NRXN3: variants seen among roughly 807,000 people sequenced by gnomAD.
The protein encoded by NRXN3 is neurexin III.
Under a neutral mutation model 137.6 loss-of-function variants are expected in NRXN3, and 32 were observed. The observed-to-expected ratio is 0.23, with a 90% CI of 0.18 to 0.31. The LOEUF (loss-of-function observed/expected upper bound fraction) is 0.31. Among genes scored for constraint, NRXN3 ranks in the 10% least tolerant of loss-of-function variants. NRXN3 has a pLI of 1.00. For missense variants in NRXN3, 1,574 were observed against 2,062.5 expected (o/e 0.76, Z 4.59); for synonymous variants, 798 against 784.5 (o/e 1.02, Z -0.29).
intron 16 of NRXN3, among the ~76,000 whole-genome samples, chr14:79,637,478 G>A (rs1182988567): frequency 1.3e-5 from 2 of 151,992 alleles, no homozygotes; most frequent in African/African-American, 4.8e-5. Flanking sequence ...TGGACACAAA[G>A]CTTACAGTCA....
At chr14:78,468,469 G>A (rs1403521194) in intron 4 of NRXN3, among the ~76,000 whole-genome samples, 1 of 152,136 alleles carries the variant, frequency 6.6e-6, no homozygotes, top group Admixed American at 6.5e-5. Flanking sequence ...GCAGAGGCTT[G>A]TTTTTAGGGT....
chr14:78,657,046 CAAAAAAAAAAAAAA>C (rs1174872709), intron 6 of NRXN3, among the ~76,000 whole-genome samples: 1 of 31,062 alleles, frequency 3.2e-5, no homozygotes, highest in Middle Eastern at 0.036. Context: ...GACTCCGTCT[CAAAAAAAAAAAAAA>C]AAAAAAAAAA....
chr14:78,880,188 C>A (rs2099124860), intron 10 of NRXN3, among the ~76,000 whole-genome samples: 1 of 131,886 alleles, frequency 7.6e-6, no homozygotes, highest in South Asian at 2.3e-4. Context: ...TGCAGTGAGC[C>A]GAGATCCCGC....
intron 10 of NRXN3, among the ~76,000 whole-genome samples, chr14:78,916,108 A>G (rs948907835): frequency 1.3e-5 from 2 of 152,062 alleles, no homozygotes; most frequent in Admixed American, 1.3e-4. Flanking sequence ...AAATTGTGAT[A>G]GCCTTGAGAA....
At chr14:78,172,539 G>T (rs940636144) in intron 1 of NRXN3, among the ~76,000 whole-genome samples, 3 of 152,116 alleles carry the variant, frequency 2.0e-5, no homozygotes, top group Non-Finnish European at 4.4e-5. Context: ...GGTGCTGGTT[G>T]TGCAGATATT....
chr14:79,039,940 A>G (rs967923106), intron 15 of NRXN3, among the ~76,000 whole-genome samples: 3 of 152,098 alleles, frequency 2.0e-5, no homozygotes, highest in African/African-American at 2.4e-5. Flanking sequence ...CTGACCTCAA[A>G]TGATCTTCCT....
intron 4 of NRXN3, among the ~76,000 whole-genome samples, chr14:78,467,390 CA>C (rs1260416790): frequency 6.6e-6 from 1 of 152,162 alleles, no homozygotes. Context: ...ATAAACAACA[CA>C]AGCACAATAA....
rs1290891540 is a variant in NRXN3, at chr14:78,957,328, C to G, written c.2362C>G (p.Leu788Val). ...TVRVVRRGKS[L>V]KLTVDDDVAE... ...TCGGGTGGTGCGGAGAGGAAAAAGC[C>G]TTAAGTTAACCGTGGATGATGATGT... Residue 788 changes from leucine (L) to valine (V), a missense_variant, in exon 11 of 21, where the codon CTT (leucine) becomes GTT (valine). Leu to Val is a conservative substitution (Grantham distance 32). This residue lies in a region of NRXN3 where 718 missense variants were observed against 887.6 expected (regional missense o/e 0.81). Transcript: ENST00000335750. The G allele has an allele frequency of 6.2e-7, 1 of 1,613,960 alleles. No individual in the cohort carries two copies. Among genetic ancestry groups the G allele is most frequent in the African/African-American group, 1.3e-5 (1 of 74,906 alleles).
chr14:79,176,052 T>C (rs536172790), intron 15 of NRXN3, among the ~76,000 whole-genome samples: 1 of 152,296 alleles, frequency 6.6e-6, no homozygotes, highest in East Asian at 1.9e-4. Flanking sequence ...CAGAAAGCAA[T>C]GCATTGGACT....
chr14:78,651,783 G>GCATGGGA lies in NRXN3; in HGVS notation c.1221+457_1221+458insCATGGGA, dbSNP rs1304801164. On this transcript the variant is annotated intron_variant, in intron 6 of 20. Coordinates refer to ENST00000335750, the MANE Select transcript of NRXN3 (RefSeq NM_001330195.2). ...ACTATCATGAGAACAGCATGGGAAA[G>GCATGGGA]ACCTGACCCCATGATTTAATTACCT... Among the ~76,000 whole-genome samples, 1,293 of 152,248 alleles carry GCATGGGA rather than the reference G, an allele frequency of 8.5e-3. 22 individuals are homozygous for GCATGGGA. The highest frequency in any genetic ancestry group is 0.03 in the African/African-American group (1,242 of 41,520).
At chr14:79,134,270 A>T (rs1265350171) in intron 15 of NRXN3, among the ~76,000 whole-genome samples, 1 of 152,222 alleles carries the variant, frequency 6.6e-6, no homozygotes. Context: ...GCTAAGAAAG[A>T]TTAAGACTTT....
chr14:79,630,631 G>GGC (rs2098335015), intron 16 of NRXN3, among the ~76,000 whole-genome samples: 1 of 152,214 alleles, frequency 6.6e-6, no homozygotes, highest in Admixed American at 6.5e-5. Flanking sequence ...GTAGGGCTAA[G>GGC]GCAATTTTCA....
chr14:79,019,543 A>T (rs1232055805), intron 15 of NRXN3, among the ~76,000 whole-genome samples: 1 of 152,130 alleles, frequency 6.6e-6, no homozygotes, highest in African/African-American at 2.4e-5. Flanking sequence ...AGAAAGGTGC[A>T]CTTGAATAGA....
intron 20 of NRXN3, 29 bp downstream of exon 20, chr14:79,805,219 C>T: frequency 6.3e-7 from 1 of 1,590,496 alleles, no homozygotes. Flanking sequence ...ATTTTGCTTG[C>T]TTTCTTTTTT....
chr14:78,400,319 C>T (rs1282845704), intron 4 of NRXN3, among the ~76,000 whole-genome samples: 1 of 152,140 alleles, frequency 6.6e-6, no homozygotes, highest in African/African-American at 2.4e-5. Flanking sequence ...TTTCTATAAA[C>T]TCGAAGTAAA....
At chr14:79,226,530 T>G (rs2070894160) in intron 15 of NRXN3, among the ~76,000 whole-genome samples, 1 of 152,164 alleles carries the variant, frequency 6.6e-6, no homozygotes, top group South Asian at 2.1e-4. Context: ...TATTTTAACT[T>G]AAGTTTTCCT....
chr14:78,234,041 G>T (rs573019424), intron 1 of NRXN3, among the ~76,000 whole-genome samples: 2 of 152,176 alleles, frequency 1.3e-5, no homozygotes, highest in Non-Finnish European at 2.9e-5. Context: ...TAGTGAGTAG[G>T]TCTCATGAGA....
At chr14:78,217,197 G>A (rs1476778600) in intron 1 of NRXN3, among the ~76,000 whole-genome samples, 1 of 152,084 alleles carries the variant, frequency 6.6e-6, no homozygotes, top group East Asian at 1.9e-4. Context: ...TTTTATAAAT[G>A]TATGAGACTC....
In NRXN3 at chr14:79,314,737, C is replaced by T. The variant is rs1302360262; in HGVS notation, c.3263-152484C>T. Among the ~76,000 whole-genome samples, 3 of 146,834 alleles carry T rather than the reference C, an allele frequency of 2.0e-5. No homozygotes were observed. The East Asian group carries it at 6.2e-4, about 30-fold the overall frequency. On this transcript the variant is annotated intron_variant, in intron 15 of 20. Coordinates refer to ENST00000335750, the MANE Select transcript of NRXN3 (RefSeq NM_001330195.2). Reference sequence around the variant, plus strand: ...AGATCTGAGGACGGGCAGACTGCCTCCTCAAGTGGGTCCCTGACCCCTGAC... The same window carrying T: ...AGATCTGAGGACGGGCAGACTGCCTTCTCAAGTGGGTCCCTGACCCCTGAC...
Sources: allele counts gnomAD v4.1 joint callset (sites outside exome capture counted in the v4.1 genomes callset), GRCh38; gene constraint gnomAD v4.1.1; regional missense constraint gnomAD v4.1.1; transcripts MANE v1.5; gene names NCBI Gene and HGNC (gene_info 2026-07-23, HGNC 2026-07-21).